The following SLC9A1 variants were observed in gnomAD, a reference collection of about 807,000 sequenced individuals.
SLC9A1 encodes solute carrier family 9 member A1, also known as sodium/hydrogen exchanger 1.
Under a neutral mutation model 67.9 loss-of-function variants are expected in SLC9A1, and 22 were observed. The ratio of observed to expected loss-of-function variants is 0.32; its 90% CI spans 0.23 to 0.46. The LOEUF (loss-of-function observed/expected upper bound fraction) is 0.46. SLC9A1 is among the 20% of genes least tolerant of loss of function. The probability of loss-of-function intolerance (pLI) is 1.00; values close to 1 mark genes in which losing one functional copy is unlikely to be tolerated. For synonymous variants in SLC9A1, 421 were observed against 471.8 expected (o/e 0.89, Z 1.40); for missense variants, 686 against 1,094.8 (o/e 0.63, Z 5.27).
chr1:27,139,812 T>C (rs1002186062), intron 1 of SLC9A1, among the ~76,000 whole-genome samples: 2 of 151,378 alleles, frequency 1.3e-5, no homozygotes, highest in African/African-American at 4.9e-5. Context: ...TTTTTTTTTT[T>C]GAAACAGAGT....
chr1:27,119,297 C>T (rs1489176607), intron 1 of SLC9A1, among the ~76,000 whole-genome samples: 5 of 152,176 alleles, frequency 3.3e-5, no homozygotes, highest in African/African-American at 4.8e-5. Context: ...CGCAACCCTC[C>T]TCTGGCCTGG....
rs3738689 is a variant in SLC9A1, at chr1:27,109,485, C to A, written c.1064+42G>T. On this transcript the variant is annotated intron_variant, in intron 3 of 11. Coordinates refer to ENST00000263980, the MANE Select transcript of SLC9A1 (RefSeq NM_003047.5). The surrounding 1 kb of genome is among the most constrained non-coding windows in gnomAD (Gnocchi z 5.5). Reference sequence around the variant, plus strand: ...GGGAATCCAAGCTGGCAGCCCCCGCCCCCACCCCGCCAAGCCCACTGCCTG... The same window carrying A: ...GGGAATCCAAGCTGGCAGCCCCCGCACCCACCCCGCCAAGCCCACTGCCTG... 6.3e-7 allele frequency: 1 copy of A among 1,598,024 alleles called. No individual in the cohort carries two copies. The highest frequency in any genetic ancestry group is 8.5e-7 in the Non-Finnish European group (1 of 1,173,122).
intron 5 of SLC9A1, 88 bp from the exon 6 acceptor site, chr1:27,103,400 A>T: frequency 1.1e-6 from 1 of 910,094 alleles, no homozygotes; most frequent in African/African-American, 1.6e-5. Flanking sequence ...CAGGCCCCCA[A>T]GGCTAGGATG....
intron 1 of SLC9A1, among the ~76,000 whole-genome samples, chr1:27,143,579 T>A (rs1305635068): frequency 1.3e-5 from 2 of 152,132 alleles, no homozygotes; most frequent in African/African-American, 4.8e-5. Context: ...GAATTCCCCA[T>A]CTGAGGGCCT....
At chr1:27,105,337 T>G (rs1470967037) in intron 5 of SLC9A1, 1 of 208,866 alleles carries the variant, frequency 4.8e-6, no homozygotes, top group East Asian at 1.1e-4. Flanking sequence ...TTCACTCTTG[T>G]TACCCAGGCT....
chr1:27,114,444 C>T lies in SLC9A1; in HGVS notation c.353-158G>A, dbSNP rs959230948. Among the ~76,000 whole-genome samples the T allele has an allele frequency of 1.3e-5, 2 of 152,140 alleles. No homozygotes were observed. The highest frequency in any genetic ancestry group is 2.9e-5 in the Non-Finnish European group (2 of 68,038). On this transcript the variant is annotated intron_variant, in intron 1 of 11. Transcript: ENST00000263980. The surrounding 1 kb of genome is among the most constrained non-coding windows in gnomAD (Gnocchi z 5.4). Reference sequence around the variant, plus strand: ...TTAACTCTCTGAGCCTCCGCTTCCTCGCCTGTAAAATGGAAGGGACAATGC... The same window carrying T: ...TTAACTCTCTGAGCCTCCGCTTCCTTGCCTGTAAAATGGAAGGGACAATGC...
intron 1 of SLC9A1, among the ~76,000 whole-genome samples, chr1:27,150,033 A>T (rs536272853): frequency 2.0e-5 from 3 of 152,192 alleles, no homozygotes; most frequent in Non-Finnish European, 4.4e-5. Flanking sequence ...TCCCAAAGAG[A>T]AAAAGGTCAT....
intron 1 of SLC9A1, among the ~76,000 whole-genome samples, chr1:27,129,802 T>C (rs1256585668): frequency 6.6e-6 from 1 of 152,030 alleles, no homozygotes; most frequent in Non-Finnish European, 1.5e-5. Flanking sequence ...TAAACTACCT[T>C]CTATTGAGTG....
intron 5 of SLC9A1, 75 bp from the exon 6 acceptor site, chr1:27,103,387 C>T (rs1047014645): frequency 2.0e-6 from 2 of 1,014,644 alleles, no homozygotes; most frequent in Non-Finnish European, 3.2e-6. Flanking sequence ...CCCTCCCTCA[C>T]CCCAGGCCCC....
Position 27,154,375 on chromosome 1 carries a change from G to A in SLC9A1, c.-41C>T. 9 of 1,374,998 alleles carry A rather than the reference G, an allele frequency of 6.5e-6. No individual in the cohort carries two copies. The highest frequency in any genetic ancestry group is 8.9e-6 in the Non-Finnish European group (9 of 1,005,992). 85.2% of individuals were successfully genotyped at this position (1,374,998 alleles called of 1,614,324 possible). A position where few individuals can be genotyped will look rare whatever the true frequency, so the allele number is the denominator to read the frequency against. ...GCCAGCCTCGACCTTACCCAAATGA[G>A]AGTAAAACCGGGCACATAGGTAGCA... On this transcript the variant is annotated 5_prime_UTR_variant, in exon 1 of 12. Transcript: ENST00000263980.
At chr1:27,128,288 A>C (rs2083359317) in intron 1 of SLC9A1, among the ~76,000 whole-genome samples, 1 of 152,236 alleles carries the variant, frequency 6.6e-6, no homozygotes, top group East Asian at 1.9e-4. Flanking sequence ...ATTGGGATAA[A>C]GAATGTCTAT....
chr1:27,113,261 C>G (rs922520271), intron 2 of SLC9A1, among the ~76,000 whole-genome samples: 2 of 152,056 alleles, frequency 1.3e-5, no homozygotes, highest in African/African-American at 4.8e-5. Context: ...GAGTTCAAGA[C>G]CAGCCTGGGC....
intron 6 of SLC9A1, among the ~76,000 whole-genome samples, 163 bp downstream of exon 6, chr1:27,103,060 A>G (rs1332139694): frequency 2.0e-5 from 3 of 151,852 alleles, no homozygotes; most frequent in Non-Finnish European, 4.4e-5. Context: ...CTCACACCAC[A>G]CCTTCCTATG....
At chr1:27,121,107 C>T (rs1227222612) in intron 1 of SLC9A1, among the ~76,000 whole-genome samples, 1 of 152,202 alleles carries the variant, frequency 6.6e-6, no homozygotes, top group Admixed American at 6.5e-5. Context: ...AAGCATCCTT[C>T]CCCATACCCG....
At chr1:27,138,732 G>A (rs1447996531) in intron 1 of SLC9A1, among the ~76,000 whole-genome samples, 2 of 152,164 alleles carry the variant, frequency 1.3e-5, no homozygotes, top group African/African-American at 2.4e-5. Context: ...GACACAGGAA[G>A]GCCGGTGCGA....
At chr1:27,131,198 G>C (rs1310928817) in intron 1 of SLC9A1, among the ~76,000 whole-genome samples, 1 of 152,220 alleles carries the variant, frequency 6.6e-6, no homozygotes, top group Non-Finnish European at 1.5e-5. Flanking sequence ...CAAGAATTCA[G>C]GCAAGAGCCG....
chr1:27,109,314 G>C lies in SLC9A1; in HGVS notation c.1064+213C>G, dbSNP rs1488781677. ...TCTCCCGATTCCTGGACCCCAGGGG[G>C]CGCTGCAGAAGTGCTCCTCTTCTAG... On this transcript the variant is annotated intron_variant, in intron 3 of 11. Transcript: ENST00000263980. This position sits in a 1 kb window ranked among gnomAD's most constrained non-coding sequence, Gnocchi z 5.5. Among the ~76,000 whole-genome samples the C allele has an allele frequency of 1.3e-5, 2 of 152,130 alleles. No individual in the cohort carries two copies. Among genetic ancestry groups the C allele is most frequent in the Non-Finnish European group, 2.9e-5 (2 of 68,022 alleles).
At chr1:27,134,031 A>C (rs2083403459) in intron 1 of SLC9A1, among the ~76,000 whole-genome samples, 1 of 151,998 alleles carries the variant, frequency 6.6e-6, no homozygotes, top group African/African-American at 2.4e-5. Context: ...CCAAAGTGCT[A>C]GGATTACAGG....
intron 1 of SLC9A1, among the ~76,000 whole-genome samples, chr1:27,126,045 AGGGCCTTT>A (rs2083341974): frequency 6.6e-5 from 10 of 152,194 alleles, no homozygotes; most frequent in Non-Finnish European, 1.5e-4. Flanking sequence ...CCCCCACCTC[AGGGCCTTT>A]GCATTTGCTG....
Sources: gnomAD v4.1 joint callset for allele counts (sites outside exome capture counted in the v4.1 genomes callset) on GRCh38, gnomAD v4.1.1 for gene constraint, Gnocchi (gnomAD v3.1) non-coding constraint, MANE v1.5 for transcripts, NCBI Gene and HGNC (gene_info 2026-07-23, HGNC 2026-07-21) for gene names.